Variants in MTERF4 observed in about 807,000 individuals in gnomAD.
MTERF4 encodes the protein mitochondrial transcription termination factor 4.
Under a neutral mutation model 22.5 loss-of-function variants are expected in MTERF4, and 17 were observed. The observed-to-expected ratio is 0.75, with a 90% CI of 0.52 to 1.13. The LOEUF (loss-of-function observed/expected upper bound fraction) is 1.13, where lower values mean the gene tolerates loss of function less well. MTERF4 is among the 50% of genes most tolerant of loss of function. The pLI is 0.00. For synonymous variants in MTERF4, 165 were observed against 175.3 expected, an observed-to-expected ratio of 0.94 and a Z score of 0.47; for missense variants, 420 against 466.8, an observed-to-expected ratio of 0.90 and a Z score of 0.92.
At position 241,073,333 on chromosome 2, in the gene MTERF4, G is replaced by C. The variant is rs1324395787; in HGVS notation, n.2829C>G. On this transcript the variant is annotated non_coding_transcript_exon_variant, in exon 5 of 5. Transcript: ENST00000464344. This position sits in a 1 kb window ranked among gnomAD's most constrained non-coding sequence, Gnocchi z 6.6. ...CCAAGCGGGTCAGCCTGGCCCTCCA[G>C]CTCCCTGAACACGGCAGCAAGGACA... The C allele has an allele frequency of 6.4e-7, 1 of 1,574,112 alleles. No homozygotes were observed. The highest frequency in any genetic ancestry group is 1.2e-5 in the South Asian group (1 of 85,372).
chr2:241,056,738 G>A, the MTERF4 span, among the ~76,000 whole-genome samples: 126 of 151,814 alleles, frequency 8.3e-4, no homozygotes, highest in African/African-American at 2.9e-3. Context: ...CCATCACCAC[G>A]CCCGGCTAAT....
chr2:241,089,227 T>C (rs1490323630), downstream of MTERF4: 9 of 1,407,912 alleles, frequency 6.4e-6, no homozygotes, highest in East Asian at 2.0e-4. Context: ...GAAAGATGAA[T>C]CTCTGGTTGG....
chr2:241,101,246 A>G, intron 1 of MTERF4: 1 of 459,050 alleles, frequency 2.2e-6, no homozygotes, highest in Non-Finnish European at 4.6e-6. Context: ...AAACAGTGAC[A>G]GATCATCGGG....
chr2:241,087,606 C>A, downstream of MTERF4: 2 of 1,445,250 alleles, frequency 1.4e-6, no homozygotes, highest in Non-Finnish European at 1.8e-6. Context: ...AGATAGGCAG[C>A]CCCTGGGCAG....
chr2:241,092,117 G>C (rs897960974), downstream of MTERF4: 1 of 152,340 alleles, frequency 6.6e-6, no homozygotes, highest in African/African-American at 2.4e-5. This position sits in a 1 kb window ranked among gnomAD's most constrained non-coding sequence, Gnocchi z 4.6. Context: ...GGCAGGGGCT[G>C]AAGGGCAGAG....
At chr2:241,072,455 GC>G (rs1049162080) in exon 5 of MTERF4, 1 of 355,126 alleles carries the variant, frequency 2.8e-6, no homozygotes, top group East Asian at 7.6e-5. Context: ...GCGCGACCCT[GC>G]CCCAGAGGGG....
At chr2:241,080,240 C>T (rs565501178) in intron 4 of MTERF4, among the ~76,000 whole-genome samples, 5 of 152,180 alleles carry the variant, frequency 3.3e-5, no homozygotes, top group African/African-American at 4.8e-5. Flanking sequence ...GCTGAGATCG[C>T]GACACTGCAC....
At chr2:241,061,845 C>A in the MTERF4 span, among the ~76,000 whole-genome samples, 1 of 150,060 alleles carries the variant, frequency 6.7e-6, no homozygotes, top group Non-Finnish European at 1.5e-5. Flanking sequence ...GAGCGAAACT[C>A]CATCCCCCCA....
At chr2:241,044,884 C>T in the MTERF4 span, among the ~76,000 whole-genome samples, 6 of 152,084 alleles carry the variant, frequency 3.9e-5, no homozygotes, top group African/African-American at 7.2e-5. Context: ...AAAGCCGCAG[C>T]GTTTTTGCCA....
intron 3 of MTERF4, 165 bp downstream of exon 3, chr2:241,097,078 G>C (rs1342106232): frequency 4.1e-6 from 3 of 729,714 alleles, no homozygotes; most frequent in East Asian, 2.7e-5. Flanking sequence ...GGTGTCCGAG[G>C]CTTCTTATCC....
chr2:241,086,506 AG>A (rs2063583208), downstream of MTERF4, among the ~76,000 whole-genome samples: 2 of 152,202 alleles, frequency 1.3e-5, no homozygotes, highest in Non-Finnish European at 2.9e-5. Context: ...GGCTGACCAC[AG>A]GACTCATCTC....
the MTERF4 span, chr2:241,049,900 C>T: frequency 6.2e-7 from 1 of 1,613,758 alleles, no homozygotes; most frequent in Non-Finnish European, 8.5e-7. Context: ...CTGCGAGTGC[C>T]CGCGCGGGTT....
At chr2:241,065,433 G>A in the MTERF4 span, 14 of 1,612,936 alleles carry the variant, frequency 8.7e-6, no homozygotes, top group East Asian at 2.2e-5. Flanking sequence ...CTCCTCCGAC[G>A]GCTCCTACCG....
the MTERF4 span, among the ~76,000 whole-genome samples, chr2:241,055,959 C>T: frequency 6.6e-6 from 1 of 152,212 alleles, no homozygotes; most frequent in Non-Finnish European, 1.5e-5. Flanking sequence ...AGCTTCGCTA[C>T]CTAGTAGAGA....
chr2:241,045,894 G>T, the MTERF4 span, among the ~76,000 whole-genome samples: 2 of 152,114 alleles, frequency 1.3e-5, no homozygotes, highest in Admixed American at 1.3e-4. Context: ...GAAAACGTTT[G>T]CAAAACTCAT....
chr2:241,052,439 C>A, the MTERF4 span: 1 of 1,609,444 alleles, frequency 6.2e-7, no homozygotes, highest in Non-Finnish European at 8.5e-7. Flanking sequence ...CACTGCCAAG[C>A]AGGGTACATG....
intron 4 of MTERF4, among the ~76,000 whole-genome samples, chr2:241,076,395 G>A (rs904347934): frequency 1.3e-5 from 2 of 152,210 alleles, no homozygotes; most frequent in East Asian, 3.9e-4. Flanking sequence ...TTTGATACTA[G>A]TATATACTTT....
chr2:241,070,193 T>A (rs949258024), downstream of MTERF4: 1 of 1,605,160 alleles, frequency 6.2e-7, no homozygotes, highest in Non-Finnish European at 8.5e-7. Context: ...CACCTCTACA[T>A]CATCACCTGT....
chr2:241,073,666 A>C lies in MTERF4; in HGVS notation n.2496T>G. ...CTCCCCTCTCCTCCTTCGCCTCCACATGCAGCAGAGCCCACCCCAGCCCCT... is the reference window on the plus strand; with the variant it reads ...CTCCCCTCTCCTCCTTCGCCTCCACCTGCAGCAGAGCCCACCCCAGCCCCT... On this transcript the variant is annotated non_coding_transcript_exon_variant, in exon 5 of 5. Coordinates refer to the MTERF4 transcript ENST00000464344. The surrounding 1 kb of genome is among the most constrained non-coding windows in gnomAD (Gnocchi z 6.6). The C allele has an allele frequency of 2.0e-6, 1 of 499,518 alleles. No homozygotes were observed. The highest frequency in any genetic ancestry group is 1.9e-5 in the African/African-American group (1 of 51,780). The allele number at this position is 499,518 out of a possible 1,614,324, so 30.9% of individuals were successfully genotyped here.
Sources: allele counts gnomAD v4.1 joint callset (sites outside exome capture counted in the v4.1 genomes callset), GRCh38; gene constraint gnomAD v4.1.1; non-coding constraint Gnocchi (gnomAD v3.1); transcripts MANE v1.5; gene names NCBI Gene and HGNC (gene_info 2026-07-23, HGNC 2026-07-21).